Variants in EXT1 observed in about 807,000 individuals in gnomAD.
EXT1 encodes exostosin-1.
EXT1 carries 20 observed loss-of-function variants against 82.5 expected under a neutral mutation model. The observed-to-expected ratio is 0.24, with a 90% CI of 0.17 to 0.35. The LOEUF (loss-of-function observed/expected upper bound fraction) is 0.35, where lower values mean the gene tolerates loss of function less well. Ranked by LOEUF, EXT1 falls within the 10% of genes least tolerant of loss-of-function variation. The probability of loss-of-function intolerance (pLI) is 1.00; values close to 1 mark genes in which losing one functional copy is unlikely to be tolerated. For missense variants in EXT1, 757 were observed against 936.5 expected (o/e 0.81, Z 2.50); for synonymous variants, 348 against 350.8 (o/e 0.99, Z 0.09).
Position 117,796,435 on chromosome 8 carries a change from C to T in EXT1, c.*3277G>A, listed in dbSNP as rs767153989. 13 of 151,534 alleles carry T rather than the reference C, an allele frequency of 8.6e-5. No homozygotes were observed. Among genetic ancestry groups the T allele is most frequent in the Non-Finnish European group, 1.3e-4 (9 of 67,954 alleles). The allele number at this position is 151,534 out of a possible 1,614,324, so 9.4% of individuals were successfully genotyped here. Reference sequence around the variant, plus strand: ...ATTCATCTCACCCCTGATTAAAGTTCAGTAACCTTTATGAAAGGCCACCAG... The same window carrying T: ...ATTCATCTCACCCCTGATTAAAGTTTAGTAACCTTTATGAAAGGCCACCAG... On this transcript the variant is annotated 3_prime_UTR_variant, in exon 11 of 11. Coordinates refer to ENST00000378204, the MANE Select transcript of EXT1 (RefSeq NM_000127.3).
At chr8:118,073,397 G>C (rs1002843686) in intron 1 of EXT1, among the ~76,000 whole-genome samples, 1 of 152,122 alleles carries the variant, frequency 6.6e-6, no homozygotes, top group Non-Finnish European at 1.5e-5. Flanking sequence ...AAGGTGGGCG[G>C]ATCACTTGAG....
rs527536543 is a variant in EXT1 at position 118,017,825 on chromosome 8, C to T, written c.962+92260G>A. Among the ~76,000 whole-genome samples, 14 of 152,290 alleles carry T rather than the reference C, an allele frequency of 9.2e-5. No individual in the cohort carries two copies. In the South Asian group the frequency reaches 2.9e-3, roughly 32 times the overall value. On this transcript the variant is annotated intron_variant, in intron 1 of 10. Transcript: ENST00000378204. ...AACCCTGCACACGATCATGTACACA[C>T]ATGCTTAAACCACCTGATGTGGAAG...
intron 1 of EXT1, among the ~76,000 whole-genome samples, chr8:117,973,895 G>A (rs1734892018): frequency 7.4e-6 from 1 of 135,060 alleles, no homozygotes; most frequent in South Asian, 2.3e-4. Context: ...GGAAGGAAAG[G>A]AAAGAAAAGG....
intron 1 of EXT1, 111 bp from the exon 2 acceptor site, chr8:117,837,312 G>T: frequency 1.2e-6 from 1 of 833,452 alleles, no homozygotes; most frequent in Non-Finnish European, 2.1e-6. Context: ...ACTCGGGAAA[G>T]CCACCAGCAG....
chr8:117,927,149 A>T (rs944426810), intron 1 of EXT1, among the ~76,000 whole-genome samples: 5 of 152,204 alleles, frequency 3.3e-5, no homozygotes, highest in Admixed American at 3.3e-4. Flanking sequence ...AAGTCTGTCA[A>T]TTCCACTCAC....
At chr8:118,058,457 C>G (rs1403277717) in intron 1 of EXT1, among the ~76,000 whole-genome samples, 1 of 152,118 alleles carries the variant, frequency 6.6e-6, no homozygotes, top group East Asian at 1.9e-4. Context: ...AGTTAAGTAT[C>G]AGGATTTCTT....
intron 1 of EXT1, among the ~76,000 whole-genome samples, chr8:117,857,305 T>TTTGAGA (rs1287544523): frequency 6.6e-6 from 1 of 152,116 alleles, no homozygotes; most frequent in Non-Finnish European, 1.5e-5. Flanking sequence ...CCTGTAATCC[T>TTTGAGA]GGCAATTTGA....
intron 1 of EXT1, among the ~76,000 whole-genome samples, chr8:118,042,030 G>A (rs191672899): frequency 6.6e-6 from 1 of 152,004 alleles, no homozygotes; most frequent in Non-Finnish European, 1.5e-5. Context: ...CGGGTTGGAT[G>A]AGGAGCTCTG....
chr8:117,833,614 CA>C lies in EXT1; in HGVS notation c.1164+1829del, dbSNP rs767133166. 2.3e-3 allele frequency among the ~76,000 whole-genome samples: 302 copies of C among 130,476 alleles called. 2 individuals carry two copies. The highest frequency in any genetic ancestry group is 0.019 in the East Asian group (85 of 4,460). The allele number at this position is 130,476 out of a possible 152,430, so 85.6% of individuals were successfully genotyped here. On this transcript the variant is annotated intron_variant, in intron 3 of 10. Coordinates refer to ENST00000378204, the MANE Select transcript of EXT1 (RefSeq NM_000127.3). Reference sequence around the variant, plus strand: ...TGAGTGACAGAGCGAGACTCCATCTCAAAAAAAAAAAAGAAAGAAACTGCAC... The same window carrying C: ...TGAGTGACAGAGCGAGACTCCATCTCAAAAAAAAAAAGAAAGAAACTGCAC...
intron 1 of EXT1, among the ~76,000 whole-genome samples, chr8:118,017,084 C>A (rs372507783): frequency 6.6e-6 from 1 of 152,104 alleles, no homozygotes; most frequent in African/African-American, 2.4e-5. Context: ...CCAGACGGAC[C>A]GGTATAATCA....
At chr8:117,870,977 G>GA (rs1038284253) in intron 1 of EXT1, among the ~76,000 whole-genome samples, 5 of 152,060 alleles carry the variant, frequency 3.3e-5, no homozygotes, top group African/African-American at 1.2e-4. Context: ...GCAATAGAGA[G>GA]AAAAAAGGTT....
Position 117,952,555 on chromosome 8 carries a change from G to A in EXT1, c.963-115354C>T, listed in dbSNP as rs1814510335. On this transcript the variant is annotated intron_variant, in intron 1 of 10. Transcript: ENST00000378204. ...GGCCAAGGTGGGCAGATCACTTGAG[G>A]TCAAGAGTACAGCTTGGCCAACATG... 2.0e-5 allele frequency among the ~76,000 whole-genome samples: 3 copies of A among 152,256 alleles called. No homozygotes were observed. In the South Asian group the frequency reaches 6.2e-4, roughly 32 times the overall value.
At chr8:117,982,889 T>C (rs1815237742) in intron 1 of EXT1, among the ~76,000 whole-genome samples, 1 of 152,232 alleles carries the variant, frequency 6.6e-6, no homozygotes, top group Non-Finnish European at 1.5e-5. Context: ...TATGAAAATC[T>C]TAGGGACTAT....
chr8:117,947,762 GA>G (rs1378237711), intron 1 of EXT1, among the ~76,000 whole-genome samples: 2 of 152,100 alleles, frequency 1.3e-5, no homozygotes, highest in East Asian at 3.9e-4. Flanking sequence ...TCTAATGGGG[GA>G]TACAAGATAA....
At position 117,827,410 on chromosome 8, in the gene EXT1, C is replaced by T. The variant is rs142911623; in HGVS notation, c.1284+2820G>A. 9.2e-5 allele frequency among the ~76,000 whole-genome samples: 14 copies of T among 152,044 alleles called. No individual in the cohort carries two copies. In the East Asian group the frequency reaches 2.5e-3, roughly 27 times the overall value. On this transcript the variant is annotated intron_variant, in intron 4 of 10. Transcript: ENST00000378204. Reference sequence around the variant, plus strand: ...CATAATAGAGTAAAAAAAATTAAAACACTGGAATGTGCTCTGGATGTATTA... The same window carrying T: ...CATAATAGAGTAAAAAAAATTAAAATACTGGAATGTGCTCTGGATGTATTA...
chr8:117,989,829 T>C (rs971770857), intron 1 of EXT1, among the ~76,000 whole-genome samples: 3 of 152,204 alleles, frequency 2.0e-5, no homozygotes, highest in Admixed American at 6.5e-5. Flanking sequence ...CACGGTCATG[T>C]GACAGCAACT....
chr8:118,032,497 G>A (rs1020897380), intron 1 of EXT1, among the ~76,000 whole-genome samples: 3 of 151,036 alleles, frequency 2.0e-5, no homozygotes, highest in South Asian at 2.1e-4. Flanking sequence ...GTCTTTCACA[G>A]AGGGTAACAA....
intron 1 of EXT1, among the ~76,000 whole-genome samples, chr8:118,012,826 A>G (rs1029775979): frequency 6.6e-6 from 1 of 152,142 alleles, no homozygotes; most frequent in Admixed American, 6.5e-5. Context: ...CTGTTGTTCC[A>G]TTTTCTAACT....
chr8:117,923,595 G>A (rs1036542810), intron 1 of EXT1, among the ~76,000 whole-genome samples: 4 of 151,606 alleles, frequency 2.6e-5, no homozygotes, highest in South Asian at 4.2e-4. Context: ...GCATGGTGGC[G>A]GTTGCCTGTA....
Sources: gnomAD v4.1 joint callset for allele counts (sites outside exome capture counted in the v4.1 genomes callset) on GRCh38, gnomAD v4.1.1 for gene constraint, MANE v1.5 for transcripts, NCBI Gene and HGNC (gene_info 2026-07-23, HGNC 2026-07-21) for gene names.